DAB1: variants seen among roughly 807,000 people sequenced by gnomAD.
The protein encoded by DAB1 is disabled homolog 1.
A neutral mutation model predicts 64.6 loss-of-function variants in DAB1; 15 were observed. The ratio of observed to expected loss-of-function variants is 0.23; its 90% CI spans 0.16 to 0.36. DAB1 has a LOEUF of 0.36. DAB1 is among the 10% of genes least tolerant of loss of function. DAB1 has a pLI of 1.00. For synonymous variants in DAB1, 235 were observed against 251.9 expected (o/e 0.93, Z 0.64); for missense variants, 596 against 706.7 (o/e 0.84, Z 1.78).
intron 1 of DAB1, among the ~76,000 whole-genome samples, chr1:57,423,225 G>C (rs950055318): frequency 1.3e-5 from 2 of 151,694 alleles, no homozygotes; most frequent in African/African-American, 4.8e-5. Flanking sequence ...GAAGAGGGGC[G>C]GGCTGGGGAG....
At chr1:58,312,656 T>G (rs1662455670) in intron 4 of DAB1, among the ~76,000 whole-genome samples, 1 of 152,106 alleles carries the variant, frequency 6.6e-6, no homozygotes, top group Non-Finnish European at 1.5e-5. Flanking sequence ...ACTTTCAGAA[T>G]AAGAAGAGCC....
At chr1:58,521,149 A>G (rs897505688) in intron 2 of DAB1, among the ~76,000 whole-genome samples, 9 of 152,240 alleles carry the variant, frequency 5.9e-5, no homozygotes, top group African/African-American at 2.2e-4. Flanking sequence ...TAACTTTAAA[A>G]TCATCAAATG....
chr1:58,475,964 A>T (rs1352156628), intron 3 of DAB1, among the ~76,000 whole-genome samples: 1 of 152,226 alleles, frequency 6.6e-6, no homozygotes, highest in Admixed American at 6.5e-5. Flanking sequence ...CCTTAAGTAG[A>T]ACATCCACCA....
chr1:57,077,673 T>C (rs1295407898), intron 4 of DAB1, among the ~76,000 whole-genome samples: 1 of 152,228 alleles, frequency 6.6e-6, no homozygotes, highest in Admixed American at 6.5e-5. Flanking sequence ...GGAGGGTTAC[T>C]GTCTGACAGA....
chr1:57,206,968 C>CTTTTTTTTTTT (rs201111039), intron 2 of DAB1, among the ~76,000 whole-genome samples: 83 of 84,484 alleles, frequency 9.8e-4, no homozygotes, highest in African/African-American at 1.3e-3. Context: ...TCCTTCCTTC[C>CTTTTTTTTTTT]TTTTTTTTTT....
intron 5 of DAB1, among the ~76,000 whole-genome samples, chr1:57,924,056 T>G (rs985462356): frequency 1.3e-5 from 2 of 152,176 alleles, no homozygotes; most frequent in Non-Finnish European, 2.9e-5. Flanking sequence ...GAATACAAAT[T>G]TTAAACATCA....
chr1:57,656,458 G>A (rs1646319968), intron 6 of DAB1, among the ~76,000 whole-genome samples: 1 of 152,188 alleles, frequency 6.6e-6, no homozygotes, highest in African/African-American at 2.4e-5. Context: ...AATTAGGTTT[G>A]CAACAACCTA....
chr1:58,205,488 C>T (rs937967827), intron 4 of DAB1, among the ~76,000 whole-genome samples: 2 of 152,220 alleles, frequency 1.3e-5, no homozygotes, highest in Non-Finnish European at 2.9e-5. Flanking sequence ...AAGGTCTTCT[C>T]ACCCATGGCC....
chr1:57,733,538 T>C (rs1250408627), intron 6 of DAB1, among the ~76,000 whole-genome samples: 4 of 152,132 alleles, frequency 2.6e-5, no homozygotes, highest in Admixed American at 6.5e-5. Context: ...CCTTACAAGA[T>C]TTGGTCATTT....
intron 4 of DAB1, among the ~76,000 whole-genome samples, chr1:57,115,302 A>G (rs1656012034): frequency 6.6e-6 from 1 of 152,198 alleles, no homozygotes; most frequent in African/African-American, 2.4e-5. Context: ...TTTCTCATAT[A>G]TTAAATCACA....
intron 5 of DAB1, among the ~76,000 whole-genome samples, chr1:57,978,489 T>C (rs1179966327): frequency 6.6e-6 from 1 of 152,098 alleles, no homozygotes; most frequent in Admixed American, 6.6e-5. Flanking sequence ...GCAATACCAT[T>C]GAGGACACAG....
intron 5 of DAB1, chr1:58,079,914 G>A (rs977694681): frequency 6.6e-6 from 1 of 152,152 alleles, no homozygotes; most frequent in East Asian, 1.9e-4. Flanking sequence ...CTACTATAGA[G>A]CTTGGCACAT....
At chr1:57,890,237 C>A (rs145018277) in intron 5 of DAB1, among the ~76,000 whole-genome samples, 15 of 152,188 alleles carry the variant, frequency 9.9e-5, no homozygotes, top group Non-Finnish European at 1.9e-4. Flanking sequence ...TGCACACCAT[C>A]TCTCCAGTCT....
intron 2 of DAB1, among the ~76,000 whole-genome samples, chr1:57,211,313 C>T (rs1390149471): frequency 6.6e-6 from 1 of 152,156 alleles, no homozygotes; most frequent in Admixed American, 6.5e-5. Flanking sequence ...CAAGGACCAT[C>T]TTGAGGGATA....
intron 1 of DAB1, among the ~76,000 whole-genome samples, chr1:57,387,627 G>A (rs1024155991): frequency 2.6e-5 from 4 of 152,036 alleles, no homozygotes; most frequent in African/African-American, 9.7e-5. Flanking sequence ...TTCGTGAGTA[G>A]CTTGACCGAT....
At chr1:57,393,703 C>T (rs517825) in intron 1 of DAB1, among the ~76,000 whole-genome samples, 62,256 of 151,728 alleles carry the variant, frequency 0.41, 13,319 homozygotes, top group African/African-American at 0.47. Context: ...CAGAAAACTA[C>T]CACCGGTGGG....
chr1:57,754,544 G>C (rs1648708900), intron 6 of DAB1, among the ~76,000 whole-genome samples: 1 of 151,536 alleles, frequency 6.6e-6, no homozygotes, highest in Admixed American at 6.6e-5. Flanking sequence ...AAATTAGGCG[G>C]GCATGGTGGC....
chr1:57,756,572 C>A (rs1425641332), intron 6 of DAB1, among the ~76,000 whole-genome samples: 1 of 151,890 alleles, frequency 6.6e-6, no homozygotes, highest in African/African-American at 2.4e-5. Flanking sequence ...ATCAGATTTG[C>A]TTTTTGGAAA....
chr1:58,072,958 A>G (rs1027540288), intron 5 of DAB1, among the ~76,000 whole-genome samples: 2 of 152,224 alleles, frequency 1.3e-5, no homozygotes, highest in Non-Finnish European at 2.9e-5. Flanking sequence ...GTGCTTCTAT[A>G]GTGCAGCATA....
Sources: allele counts gnomAD v4.1 joint callset (sites outside exome capture counted in the v4.1 genomes callset), GRCh38; gene constraint gnomAD v4.1.1; transcripts MANE v1.5; gene names NCBI Gene and HGNC (gene_info 2026-07-23, HGNC 2026-07-21).